POC1A: variants seen among roughly 807,000 people sequenced by gnomAD.
The protein encoded by POC1A is POC1 centriolar protein A, also known as POC1 centriolar protein homolog A.
Under a neutral mutation model 47.8 loss-of-function variants are expected in POC1A, and 34 were observed. That is an observed-to-expected ratio of 0.71 (90% CI 0.54 to 0.95). The LOEUF is 0.95. Among genes scored for constraint, POC1A ranks in the 40% least tolerant of loss-of-function variants. POC1A has a pLI of 0.00. For synonymous variants in POC1A, 177 were observed against 207.6 expected (o/e 0.85, Z 1.27); for missense variants, 466 against 528.3 (o/e 0.88, Z 1.16).
chr3:52,102,798 A>C (rs1430798493), intron 9 of POC1A, among the ~76,000 whole-genome samples: 1 of 152,254 alleles, frequency 6.6e-6, no homozygotes, highest in Non-Finnish European at 1.5e-5. Context: ...TCACGTATTA[A>C]AGGCTCAATG....
chr3:52,145,611 G>A (rs1698336760), intron 6 of POC1A, among the ~76,000 whole-genome samples: 1 of 152,194 alleles, frequency 6.6e-6, no homozygotes, highest in Non-Finnish European at 1.5e-5. Context: ...TCGGAGGTGA[G>A]CATTGACTGG....
chr3:52,091,876 C>T (rs1379475211), intron 10 of POC1A, among the ~76,000 whole-genome samples: 1 of 152,208 alleles, frequency 6.6e-6, no homozygotes, highest in African/African-American at 2.4e-5. Flanking sequence ...AGGCATCTCT[C>T]CCCATTTTAC....
At chr3:52,102,157 GGTTT>G (rs1703026818) in intron 9 of POC1A, among the ~76,000 whole-genome samples, 1 of 151,908 alleles carries the variant, frequency 6.6e-6, no homozygotes, top group Non-Finnish European at 1.5e-5. Flanking sequence ...TTGGAACTAT[GGTTT>G]GATGCCTTTC....
chr3:52,108,209 A>G lies in POC1A; in HGVS notation c.982-11497T>C, dbSNP rs185645688. Among the ~76,000 whole-genome samples, 249 of 152,344 alleles carry G rather than the reference A, an allele frequency of 1.6e-3. 3 individuals carry two copies. Among genetic ancestry groups the G allele is most frequent in the Admixed American group, 0.012 (190 of 15,306 alleles). ...CAATGGTGACACTGACCTCTCTGCC[A>G]GGTTTCTACAATGCAAAGTTACTAT... On this transcript the variant is annotated intron_variant, in intron 9 of 10. Transcript: ENST00000296484.
intron 5 of POC1A, 82 bp from the exon 6 acceptor site, chr3:52,146,043 A>G: frequency 1.3e-6 from 1 of 793,906 alleles, no homozygotes; most frequent in Non-Finnish European, 2.2e-6. Flanking sequence ...TGCTTTCCCC[A>G]TCCCTGTGTC....
chr3:52,099,973 C>CA (rs1284170153), intron 9 of POC1A, among the ~76,000 whole-genome samples: 2 of 152,070 alleles, frequency 1.3e-5, no homozygotes, highest in African/African-American at 2.4e-5. Flanking sequence ...AATACCAAAA[C>CA]AAAAAAAGGT....
chr3:52,146,384 A>G (rs1417172627), intron 5 of POC1A, among the ~76,000 whole-genome samples: 4 of 152,228 alleles, frequency 2.6e-5, no homozygotes, highest in Non-Finnish European at 5.9e-5. Flanking sequence ...CCTTTCTAGG[A>G]GACAGGCCAA....
intron 7 of POC1A, among the ~76,000 whole-genome samples, chr3:52,127,843 C>T (rs1249746841): frequency 6.6e-6 from 1 of 152,006 alleles, no homozygotes; most frequent in Non-Finnish European, 1.5e-5. Flanking sequence ...TTGCAGGCAC[C>T]CTCCACCACA....
At chr3:52,103,330 C>G (rs1329774693) in intron 9 of POC1A, among the ~76,000 whole-genome samples, 1 of 152,164 alleles carries the variant, frequency 6.6e-6, no homozygotes, top group Non-Finnish European at 1.5e-5. Flanking sequence ...AGTTTGAGAC[C>G]AGCCTGGCCA....
At chr3:52,093,102 C>T (rs560680354) in intron 10 of POC1A, among the ~76,000 whole-genome samples, 4 of 152,358 alleles carry the variant, frequency 2.6e-5, no homozygotes, top group Admixed American at 6.5e-5. Flanking sequence ...CCTAGTGTCC[C>T]GTCAGGTGAG....
intron 6 of POC1A, among the ~76,000 whole-genome samples, chr3:52,142,810 C>T (rs1698240953): frequency 6.6e-6 from 1 of 152,162 alleles, no homozygotes; most frequent in Admixed American, 6.5e-5. Context: ...GATTCCACTG[C>T]ACCTATGGGG....
chr3:52,095,271 C>T (rs964564759), intron 10 of POC1A, among the ~76,000 whole-genome samples: 9 of 152,194 alleles, frequency 5.9e-5, no homozygotes, highest in African/African-American at 2.2e-4. Context: ...GTACACTGGG[C>T]CCTGGAGTCC....
intron 9 of POC1A, among the ~76,000 whole-genome samples, chr3:52,099,735 C>T (rs1362673349): frequency 6.6e-6 from 1 of 152,070 alleles, no homozygotes; most frequent in African/African-American, 2.4e-5. Context: ...CCTGTAATCC[C>T]AGCTACTCGG....
intron 7 of POC1A, 112 bp downstream of exon 7, chr3:52,138,057 A>G: frequency 8.5e-7 from 1 of 1,173,992 alleles, no homozygotes; most frequent in Non-Finnish European, 1.2e-6. Context: ...GCCTCCATCC[A>G]TCTCCCTGCA....
At chr3:52,138,503 T>C (rs955844958) in intron 6 of POC1A, among the ~76,000 whole-genome samples, 2 of 152,132 alleles carry the variant, frequency 1.3e-5, no homozygotes, top group African/African-American at 4.8e-5. Context: ...GGAAAAGGCC[T>C]GTTCAGAGCC....
intron 7 of POC1A, among the ~76,000 whole-genome samples, chr3:52,132,109 GA>G (rs1704235677): frequency 6.6e-6 from 1 of 152,194 alleles, no homozygotes; most frequent in Admixed American, 6.5e-5. Flanking sequence ...CCGGTGCTGG[GA>G]AATTTAGACA....
intron 9 of POC1A, among the ~76,000 whole-genome samples, chr3:52,109,211 A>G (rs1703294851): frequency 6.6e-6 from 1 of 152,240 alleles, no homozygotes; most frequent in Admixed American, 6.5e-5. Flanking sequence ...GATATCTGAT[A>G]TGAAGGAACT....
rs983539938 is a variant in POC1A at position 52,077,794 on chromosome 3, C to CT, written c.1126-1810dup. Among the ~76,000 whole-genome samples the CT allele has an allele frequency of 2.8e-4, 42 of 147,460 alleles. 2 individuals carry two copies. Among genetic ancestry groups the CT allele is most frequent in the South Asian group, 4.3e-4 (2 of 4,662 alleles). On this transcript the variant is annotated intron_variant, in intron 10 of 10. Coordinates refer to ENST00000296484, the MANE Select transcript of POC1A (RefSeq NM_015426.5). ...GAGGAGCCTGTTTTTCCTCTTCTGCCTTTTTTTTTTTCTTGAAACTTTTCA... is the reference window on the plus strand; with the variant it reads ...GAGGAGCCTGTTTTTCCTCTTCTGCCTTTTTTTTTTTTCTTGAAACTTTTCA...
intron 6 of POC1A, among the ~76,000 whole-genome samples, chr3:52,139,707 G>A (rs1698120030): frequency 6.6e-6 from 1 of 152,196 alleles, no homozygotes; most frequent in South Asian, 2.1e-4. Context: ...AGGCAGGGGT[G>A]GTAAGTCCCT....
Sources: gnomAD v4.1 joint callset for allele counts (sites outside exome capture counted in the v4.1 genomes callset) on GRCh38, gnomAD v4.1.1 for gene constraint, MANE v1.5 for transcripts, NCBI Gene and HGNC (gene_info 2026-07-23, HGNC 2026-07-21) for gene names.